CSNK1G3: variants seen among roughly 807,000 people sequenced by gnomAD.
The protein encoded by CSNK1G3 is casein kinase 1 gamma 3.
A neutral mutation model predicts 64.3 loss-of-function variants in CSNK1G3; 23 were observed. The observed-to-expected ratio is 0.36, with a 90% CI of 0.26 to 0.51. The LOEUF (loss-of-function observed/expected upper bound fraction) is 0.51, where lower values mean the gene tolerates loss of function less well. Ranked by LOEUF, CSNK1G3 falls within the 20% of genes least tolerant of loss-of-function variation. The pLI is 0.96. For synonymous variants in CSNK1G3, 158 were observed against 162.2 expected (o/e 0.97, Z 0.20); for missense variants, 357 against 510.5 (o/e 0.70, Z 2.90).
intron 4 of CSNK1G3, among the ~76,000 whole-genome samples, chr5:123,565,403 G>A (rs546432579): frequency 6.6e-6 from 1 of 152,242 alleles, no homozygotes; most frequent in South Asian, 2.1e-4. Flanking sequence ...TAAAGGTTAA[G>A]AATGCCTTAA....
intron 1 of CSNK1G3, among the ~76,000 whole-genome samples, chr5:123,525,467 C>T (rs948199740): frequency 1.9e-4 from 29 of 151,972 alleles, no homozygotes; most frequent in African/African-American, 6.3e-4. Context: ...TGTGCCACCA[C>T]GCCCCGCTAG....
At chr5:123,527,138 A>G (rs1779234455) in intron 1 of CSNK1G3, among the ~76,000 whole-genome samples, 1 of 152,186 alleles carries the variant, frequency 6.6e-6, no homozygotes, top group African/African-American at 2.4e-5. Context: ...CCTGAATGTG[A>G]TATTTTCATT....
intron 8 of CSNK1G3, among the ~76,000 whole-genome samples, 197 bp downstream of exon 8, chr5:123,588,708 A>G (rs1791781445): frequency 6.6e-6 from 1 of 152,166 alleles, no homozygotes; most frequent in Non-Finnish European, 1.5e-5. Flanking sequence ...TTAATAGAAG[A>G]AAATCCTGTC....
chr5:123,557,473 T>A (rs1784861860), intron 3 of CSNK1G3, 22 bp from the exon 4 acceptor site: 17 of 1,586,340 alleles, frequency 1.1e-5, no homozygotes, highest in Non-Finnish European at 1.5e-5. Flanking sequence ...TAAATGTCTT[T>A]TTTTGTTTGT....
exon 13 of CSNK1G3, chr5:123,614,576 CTAATT>C: frequency 2.1e-6 from 1 of 479,044 alleles, no homozygotes; most frequent in Non-Finnish European, 3.6e-6. Context: ...TTTTTTTTCT[CTAATT>C]TAACCTTTAT....
chr5:123,515,888 C>G (rs1317480285), intron 1 of CSNK1G3, among the ~76,000 whole-genome samples: 1 of 152,130 alleles, frequency 6.6e-6, no homozygotes, highest in Non-Finnish European at 1.5e-5. Context: ...TACGACAACT[C>G]TGAGTTAGGT....
intron 3 of CSNK1G3, among the ~76,000 whole-genome samples, chr5:123,556,858 T>G (rs1169194521): frequency 6.6e-6 from 1 of 151,926 alleles, no homozygotes; most frequent in East Asian, 1.9e-4. Context: ...ACAGAAAGCA[T>G]ATACTGTATA....
At chr5:123,526,727 T>G (rs1051387724) in intron 1 of CSNK1G3, among the ~76,000 whole-genome samples, 2 of 152,176 alleles carry the variant, frequency 1.3e-5, no homozygotes, top group African/African-American at 2.4e-5. Flanking sequence ...ATCATCTATA[T>G]TGTAGCGAGT....
At chr5:123,577,094 A>G (rs972742133) in intron 6 of CSNK1G3, among the ~76,000 whole-genome samples, 12 of 152,032 alleles carry the variant, frequency 7.9e-5, no homozygotes, top group Non-Finnish European at 1.0e-4. Flanking sequence ...TTGCTCCTTC[A>G]AGCTGGCTTC....
chr5:123,599,068 G>A (rs1302616604), intron 10 of CSNK1G3, among the ~76,000 whole-genome samples: 2 of 152,144 alleles, frequency 1.3e-5, no homozygotes, highest in East Asian at 3.8e-4. Flanking sequence ...ACAACAGATA[G>A]TAGTAATCTC....
intron 10 of CSNK1G3, among the ~76,000 whole-genome samples, chr5:123,600,624 CAAA>C (rs561994777): frequency 1.2e-5 from 1 of 84,244 alleles, no homozygotes. Context: ...GATGCCATTT[CAAA>C]AAAAAAAAAA....
chr5:123,523,922 C>G (rs1778585649), intron 1 of CSNK1G3, among the ~76,000 whole-genome samples: 1 of 152,136 alleles, frequency 6.6e-6, no homozygotes, highest in African/African-American at 2.4e-5. Context: ...CTATCCCAGC[C>G]TTCTCTAGAG....
At chr5:123,608,789 G>A (rs1413291160) in intron 12 of CSNK1G3, among the ~76,000 whole-genome samples, 1 of 152,126 alleles carries the variant, frequency 6.6e-6, no homozygotes, top group Non-Finnish European at 1.5e-5. Context: ...CTGTGGTGGG[G>A]CCTGGTTATC....
At chr5:123,581,356 GTTTGT>G (rs1222230469) in intron 6 of CSNK1G3, among the ~76,000 whole-genome samples, 1 of 96,778 alleles carries the variant, frequency 1.0e-5, no homozygotes, top group African/African-American at 4.0e-5. Context: ...TGTTTTTTGG[GTTTGT>G]TTTTTTTTTT....
intron 6 of CSNK1G3, among the ~76,000 whole-genome samples, chr5:123,581,322 A>T (rs903236030): frequency 4.9e-5 from 7 of 141,718 alleles, no homozygotes; most frequent in African/African-American, 1.8e-4. Context: ...AATTTTATTT[A>T]TACTTTGTAA....
chr5:123,513,193 C>T (rs56065345), intron 1 of CSNK1G3, among the ~76,000 whole-genome samples: 1 of 152,146 alleles, frequency 6.6e-6, no homozygotes, highest in African/African-American at 2.4e-5. Context: ...CAAAATCACT[C>T]TGATGGTTAC....
At chr5:123,579,284 A>T (rs1789787883) in intron 6 of CSNK1G3, among the ~76,000 whole-genome samples, 1 of 93,012 alleles carries the variant, frequency 1.1e-5, no homozygotes. Flanking sequence ...AAAAATGTAA[A>T]TTTGCTGTTT....
At chr5:123,609,911 C>T (rs1463272576) in intron 12 of CSNK1G3, among the ~76,000 whole-genome samples, 1 of 5,936 alleles carries the variant, frequency 1.7e-4, no homozygotes, top group Non-Finnish European at 2.4e-4. Flanking sequence ...AAGGGCATGG[C>T]ATATTTATGA....
At chr5:123,579,227 C>T (rs973774836) in intron 6 of CSNK1G3, among the ~76,000 whole-genome samples, 6 of 150,834 alleles carry the variant, frequency 4.0e-5, no homozygotes, top group Admixed American at 6.6e-5. Flanking sequence ...GCTGACCTGA[C>T]GGTAGGCTTA....
Sources: allele counts gnomAD v4.1 joint callset (sites outside exome capture counted in the v4.1 genomes callset), GRCh38; gene constraint gnomAD v4.1.1; transcripts MANE v1.5; gene names NCBI Gene and HGNC (gene_info 2026-07-23, HGNC 2026-07-21).